Variants in ARIH1 observed in about 807,000 individuals in gnomAD.
ARIH1 encodes the protein E3 ubiquitin-protein ligase ARIH1.
ARIH1 carries 8 observed loss-of-function variants against 85.0 expected under a neutral mutation model. The ratio of observed to expected loss-of-function variants is 0.09; its 90% CI spans 0.06 to 0.17. The LOEUF (loss-of-function observed/expected upper bound fraction) is 0.17, where lower values mean the gene tolerates loss of function less well. Ranked by LOEUF, ARIH1 falls within the 10% of genes least tolerant of loss-of-function variation. ARIH1 has a pLI of 1.00. For synonymous variants in ARIH1, 238 were observed against 253.6 expected, an observed-to-expected ratio of 0.94 and a Z score of 0.59; for missense variants, 311 against 718.1, an observed-to-expected ratio of 0.43 and a Z score of 6.48.
intron 2 of ARIH1, among the ~76,000 whole-genome samples, chr15:72,524,420 G>T (rs1031376644): frequency 2.0e-5 from 3 of 149,540 alleles, no homozygotes; most frequent in African/African-American, 7.4e-5. Flanking sequence ...TTGCCATGTT[G>T]GCCAGGCTGG....
chr15:72,570,134 C>T (rs1245498963), intron 9 of ARIH1, 43 bp from the exon 10 acceptor site: 2 of 1,604,914 alleles, frequency 1.2e-6, no homozygotes, highest in South Asian at 2.2e-5. Flanking sequence ...AGTAATGCAA[C>T]CTAGTGTAGC....
At chr15:72,513,060 C>G (rs1035737181) in intron 1 of ARIH1, among the ~76,000 whole-genome samples, 1 of 152,018 alleles carries the variant, frequency 6.6e-6, no homozygotes, top group African/African-American at 2.4e-5. Flanking sequence ...ACATTGAAAA[C>G]TGAGCTGTTA....
chr15:72,518,145 A>G lies in ARIH1; in HGVS notation c.443+11A>G, dbSNP rs770547959. On this transcript the variant is annotated intron_variant, in intron 2 of 13. Coordinates refer to ENST00000379887, the MANE Select transcript of ARIH1 (RefSeq NM_005744.5). ...GAAGCTAATGGAAAGGTAAGGAACTATATTGTCAGCTTTGTACTTAGAAGT... is the reference window on the plus strand; with the variant it reads ...GAAGCTAATGGAAAGGTAAGGAACTGTATTGTCAGCTTTGTACTTAGAAGT... The G allele has an allele frequency of 1.9e-6, 3 of 1,593,356 alleles. No homozygotes were observed. The highest frequency in any genetic ancestry group is 2.7e-5 in the African/African-American group (2 of 74,480).
intron 1 of ARIH1, among the ~76,000 whole-genome samples, chr15:72,515,961 C>T (rs1266589559): frequency 6.6e-6 from 1 of 152,196 alleles, no homozygotes; most frequent in Non-Finnish European, 1.5e-5. Context: ...CCTGTCATGC[C>T]TCACATGGCA....
chr15:72,536,141 T>C (rs971821243), intron 2 of ARIH1, among the ~76,000 whole-genome samples: 1 of 152,234 alleles, frequency 6.6e-6, no homozygotes, highest in Non-Finnish European at 1.5e-5. Flanking sequence ...GAACACCCTG[T>C]GAAAACCAGC....
In ARIH1 at chr15:72,496,179, C is replaced by A. The variant is rs903605516; in HGVS notation, c.375+21165C>A. Among the ~76,000 whole-genome samples, 5 of 152,186 alleles carry A rather than the reference C, an allele frequency of 3.3e-5. No individual in the cohort carries two copies. The South Asian group carries it at 6.2e-4, about 19-fold the overall frequency. ...TCAGCCTACCAAAGTGTTGGGATTA[C>A]AAGCTTGAGCCACTGTGCCTGGCCA... On this transcript the variant is annotated intron_variant, in intron 1 of 13. Transcript: ENST00000379887.
At position 72,597,244 on chromosome 15, in the gene ARIH1, T is replaced by C. The variant is rs925000877; in HGVS notation, c.*13952T>C. ...CTAGACTGGGGCTTCACTGCAGTTT[T>C]AGTTTGATTCAGTTTGCCTCTAGCT... On this transcript the variant is annotated 3_prime_UTR_variant, in exon 14 of 14. Transcript: ENST00000379887. 2 of 152,170 alleles carry C rather than the reference T, an allele frequency of 1.3e-5. No homozygotes were observed. The highest frequency in any genetic ancestry group is 4.8e-5 in the African/African-American group (2 of 41,438). The allele number at this position is 152,170 out of a possible 1,614,324, so 9.4% of individuals were successfully genotyped here.
intron 2 of ARIH1, among the ~76,000 whole-genome samples, chr15:72,523,635 C>G (rs1240492610): frequency 2.0e-5 from 3 of 151,756 alleles, no homozygotes; most frequent in African/African-American, 7.3e-5. Context: ...AATAAGAACC[C>G]TTATGTAAAC....
At chr15:72,484,683 G>A (rs751549719) in intron 1 of ARIH1, among the ~76,000 whole-genome samples, 6 of 149,568 alleles carry the variant, frequency 4.0e-5, no homozygotes, top group Non-Finnish European at 8.9e-5. Flanking sequence ...ATATATATAC[G>A]TATATGTATG....
chr15:72,521,839 G>T (rs1486838395), intron 2 of ARIH1, among the ~76,000 whole-genome samples: 1 of 152,098 alleles, frequency 6.6e-6, no homozygotes, highest in East Asian at 1.9e-4. Context: ...ATGAGTCATT[G>T]CATCCAGCAT....
At chr15:72,551,203 A>G (rs894938274) in intron 3 of ARIH1, among the ~76,000 whole-genome samples, 6 of 152,242 alleles carry the variant, frequency 3.9e-5, no homozygotes, top group African/African-American at 1.4e-4. Flanking sequence ...AATAAACTTG[A>G]TAAGAAATGT....
At chr15:72,527,362 C>A (rs1567347561) in intron 2 of ARIH1, among the ~76,000 whole-genome samples, 1 of 152,188 alleles carries the variant, frequency 6.6e-6, no homozygotes, top group Admixed American at 6.5e-5. Flanking sequence ...TGGATATCTC[C>A]TTACTCCTTT....
chr15:72,558,335 G>A (rs2064183534), intron 5 of ARIH1, among the ~76,000 whole-genome samples: 1 of 152,212 alleles, frequency 6.6e-6, no homozygotes. Context: ...TACATTTATT[G>A]GTTTGCCCAG....
intron 2 of ARIH1, among the ~76,000 whole-genome samples, chr15:72,531,929 G>A (rs2064059065): frequency 6.6e-6 from 1 of 152,104 alleles, no homozygotes; most frequent in African/African-American, 2.4e-5. Flanking sequence ...TGTTATTTAA[G>A]CAACTATTTG....
intron 5 of ARIH1, among the ~76,000 whole-genome samples, chr15:72,556,568 T>C (rs1009157985): frequency 6.6e-6 from 1 of 151,154 alleles, no homozygotes; most frequent in Non-Finnish European, 1.5e-5. Flanking sequence ...AGGTTCTTTC[T>C]TTTTTTTCTT....
chr15:72,570,860 G>A (rs1180811584), intron 10 of ARIH1, among the ~76,000 whole-genome samples: 1 of 152,106 alleles, frequency 6.6e-6, no homozygotes, highest in Non-Finnish European at 1.5e-5. Flanking sequence ...CAGGCACGGT[G>A]GCTCACACCT....
At chr15:72,559,813 T>C (rs1166307137) in intron 5 of ARIH1, among the ~76,000 whole-genome samples, 1 of 152,206 alleles carries the variant, frequency 6.6e-6, no homozygotes, top group Non-Finnish European at 1.5e-5. Flanking sequence ...GTGATTGGCT[T>C]CTTTAATGTT....
At position 72,599,462 on chromosome 15, in the gene ARIH1, TG is replaced by T. The variant is rs1343037901; in HGVS notation, c.*16172del. ...CCACAGAGACAAATATCTTACCAGT[TG>T]GTTGTGTTTTCTTTTCCAAACTGTA... On this transcript the variant is annotated 3_prime_UTR_variant, in exon 14 of 14. Transcript: ENST00000379887. 1 of 152,216 alleles carries T rather than the reference TG, an allele frequency of 6.6e-6. No individual in the cohort carries two copies. Among genetic ancestry groups the T allele is most frequent in the African/African-American group, 2.4e-5 (1 of 41,456 alleles). 9.4% of individuals were successfully genotyped at this position (152,216 alleles called of 1,614,324 possible).
chr15:72,566,410 CTG>C, intron 7 of ARIH1, 151 bp from the exon 8 acceptor site: 1 of 667,994 alleles, frequency 1.5e-6, no homozygotes, highest in South Asian at 1.8e-5. Context: ...AGGTAATTAA[CTG>C]TAAAGCAGAC....
Sources: gnomAD v4.1 joint callset for allele counts (sites outside exome capture counted in the v4.1 genomes callset) on GRCh38, gnomAD v4.1.1 for gene constraint, MANE v1.5 for transcripts, NCBI Gene and HGNC (gene_info 2026-07-23, HGNC 2026-07-21) for gene names.